LRP1B: variants seen among roughly 807,000 people sequenced by gnomAD.
The protein encoded by LRP1B is LDL receptor related protein 1B.
A neutral mutation model predicts 556.6 loss-of-function variants in LRP1B; 217 were observed. That is an observed-to-expected ratio of 0.39 (90% CI 0.35 to 0.44). LRP1B has a LOEUF of 0.44. LRP1B is among the 20% of genes least tolerant of loss of function. The pLI, the probability that LRP1B is intolerant of heterozygous loss-of-function variation, is 1.00. For synonymous variants in LRP1B, 2,047 were observed against 1,865.8 expected, an observed-to-expected ratio of 1.10 and a Z score of -2.50; for missense variants, 5,053 against 5,620.8, an observed-to-expected ratio of 0.90 and a Z score of 3.23.
At chr2:140,370,297 T>C (rs1174456283) in intron 71 of LRP1B, among the ~76,000 whole-genome samples, 3 of 152,020 alleles carry the variant, frequency 2.0e-5, no homozygotes, top group Non-Finnish European at 4.4e-5. Context: ...ATGTAAGCAA[T>C]TGAGTATGCC....
chr2:140,775,226 A>G (rs1689450825), intron 33 of LRP1B, among the ~76,000 whole-genome samples: 1 of 151,948 alleles, frequency 6.6e-6, no homozygotes. Context: ...TGGTATGTTC[A>G]ATAAATGCTG....
intron 3 of LRP1B, among the ~76,000 whole-genome samples, chr2:141,452,167 T>G (rs1681445398): frequency 6.6e-6 from 1 of 152,094 alleles, no homozygotes; most frequent in Non-Finnish European, 1.5e-5. Flanking sequence ...TTCCCACAAT[T>G]TGAACTAAGG....
intron 66 of LRP1B, among the ~76,000 whole-genome samples, chr2:140,400,780 C>A (rs746747414): frequency 1.3e-5 from 2 of 150,076 alleles, no homozygotes; most frequent in Middle Eastern, 3.5e-3. Flanking sequence ...CATTGTGAGG[C>A]AGGTAAAAAA....
At chr2:140,659,186 T>C in intron 41 of LRP1B, among the ~76,000 whole-genome samples, 1 of 136,552 alleles carries the variant, frequency 7.3e-6, no homozygotes, top group Non-Finnish European at 1.6e-5. Flanking sequence ...CTGTTTTCAA[T>C]GAGCATGAAA....
At chr2:141,485,202 A>T (rs1465979002) in intron 2 of LRP1B, among the ~76,000 whole-genome samples, 1 of 152,180 alleles carries the variant, frequency 6.6e-6, no homozygotes, top group Admixed American at 6.6e-5. Flanking sequence ...AGTCTTTATC[A>T]TCTTTGATAT....
At chr2:140,239,292 AAAGAG>A (rs1488884236) in intron 88 of LRP1B, 145 bp downstream of exon 88, 1 of 494,754 alleles carries the variant, frequency 2.0e-6, no homozygotes, top group African/African-American at 2.0e-5. Flanking sequence ...TAATCACTTA[AAAGAG>A]AGGTATAAAA....
intron 2 of LRP1B, among the ~76,000 whole-genome samples, chr2:141,719,554 A>T (rs2105494866): frequency 6.6e-6 from 1 of 152,236 alleles, no homozygotes; most frequent in Admixed American, 6.5e-5. Flanking sequence ...TAAATCTCTA[A>T]TGGTGTAGGA....
chr2:140,316,511 T>C (rs919945989), intron 82 of LRP1B, among the ~76,000 whole-genome samples: 4 of 152,110 alleles, frequency 2.6e-5, no homozygotes, highest in Non-Finnish European at 5.9e-5. Flanking sequence ...GGATTCAGAT[T>C]GGCATTACTG....
At chr2:140,566,095 C>T (rs551776150) in intron 43 of LRP1B, among the ~76,000 whole-genome samples, 1 of 152,242 alleles carries the variant, frequency 6.6e-6, no homozygotes, top group South Asian at 2.1e-4. Context: ...TATGTGGCTC[C>T]AGAGGTGAGT....
At chr2:141,129,952 T>C (rs1232896002) in intron 7 of LRP1B, among the ~76,000 whole-genome samples, 2 of 150,062 alleles carry the variant, frequency 1.3e-5, no homozygotes, top group South Asian at 4.2e-4. Context: ...AAAGTTATCA[T>C]GGACTAGACG....
chr2:141,747,480 G>C lies in LRP1B; in HGVS notation c.205+62799C>G, dbSNP rs541403713. Among the ~76,000 whole-genome samples, 3 of 152,236 alleles carry C rather than the reference G, an allele frequency of 2.0e-5. No homozygotes were observed. In the East Asian group the frequency reaches 5.8e-4, roughly 29 times the overall value. The stretch of plus-strand genomic sequence containing the variant: ...TCTGCAAATATGTGATCTTTTAAAA[G>C]AAGCTTGCTAGCTTGACATGGTGGC... On this transcript the variant is annotated intron_variant, in intron 2 of 90. Transcript: ENST00000389484.
At chr2:140,538,726 A>T (rs1268907883) in intron 45 of LRP1B, among the ~76,000 whole-genome samples, 1 of 152,156 alleles carries the variant, frequency 6.6e-6, no homozygotes, top group East Asian at 1.9e-4. Context: ...TTAGCATAGA[A>T]CAAAATTCAG....
chr2:142,127,493 A>G (rs538272795), intron 1 of LRP1B, among the ~76,000 whole-genome samples: 2 of 151,654 alleles, frequency 1.3e-5, no homozygotes, highest in African/African-American at 4.8e-5. Flanking sequence ...ATTCTTTCTT[A>G]TTGTTTTAGC....
At chr2:141,529,693 A>G (rs1684805315) in intron 2 of LRP1B, among the ~76,000 whole-genome samples, 1 of 152,126 alleles carries the variant, frequency 6.6e-6, no homozygotes, top group South Asian at 2.1e-4. Context: ...AAAAAATACC[A>G]CTATTAATCA....
At chr2:140,954,063 T>A (rs150676580) in intron 18 of LRP1B, among the ~76,000 whole-genome samples, 1 of 152,216 alleles carries the variant, frequency 6.6e-6, no homozygotes, top group African/African-American at 2.4e-5. Context: ...TTATCAGAAA[T>A]GTGTCTCTAA....
chr2:141,237,588 AAATAATTTAGTCAC>A (rs143853072), intron 5 of LRP1B, among the ~76,000 whole-genome samples: 5,292 of 152,112 alleles, frequency 0.035, 291 homozygotes, highest in African/African-American at 0.12. Flanking sequence ...ATAAACCTTA[AAATAATTTAGTCAC>A]TTTGCTATTT....
At chr2:141,679,574 A>G (rs775316306) in intron 2 of LRP1B, among the ~76,000 whole-genome samples, 95 of 152,184 alleles carry the variant, frequency 6.2e-4, no homozygotes, top group South Asian at 1.0e-3. Context: ...AAGATGCTGT[A>G]CCCTCAGGCT....
At chr2:141,936,204 A>G (rs1007047922) in intron 1 of LRP1B, among the ~76,000 whole-genome samples, 3 of 152,204 alleles carry the variant, frequency 2.0e-5, no homozygotes, top group Admixed American at 1.3e-4. Flanking sequence ...AATTCTATTC[A>G]GAATATTTTA....
At chr2:141,110,057 A>G (rs1700709423) in intron 7 of LRP1B, among the ~76,000 whole-genome samples, 2 of 152,176 alleles carry the variant, frequency 1.3e-5, no homozygotes, top group Non-Finnish European at 2.9e-5. Context: ...ACATTCTTCA[A>G]ACTTTCTGAA....
Sources: allele counts gnomAD v4.1 joint callset (sites outside exome capture counted in the v4.1 genomes callset), GRCh38; gene constraint gnomAD v4.1.1; transcripts MANE v1.5; gene names NCBI Gene and HGNC (gene_info 2026-07-23, HGNC 2026-07-21).